The following SPATA13 variants were observed in gnomAD, a reference collection of about 807,000 sequenced individuals.
SPATA13 encodes the protein spermatogenesis-associated protein 13.
SPATA13 carries 50 observed loss-of-function variants against 104.0 expected under a neutral mutation model. The observed-to-expected ratio is 0.48, with a 90% CI of 0.38 to 0.61. The LOEUF (loss-of-function observed/expected upper bound fraction) is 0.61. Among genes scored for constraint, SPATA13 ranks in the 20% least tolerant of loss-of-function variants. The probability of loss-of-function intolerance (pLI) is 0.00; values close to 1 mark genes in which losing one functional copy is unlikely to be tolerated. For synonymous variants in SPATA13, 606 were observed against 667.5 expected (o/e 0.91, Z 1.42); for missense variants, 1,524 against 1,690.6 (o/e 0.90, Z 1.73).
At chr13:24,158,691 A>T (rs947029123), upstream of SPATA13, among the ~76,000 whole-genome samples, 1 of 152,212 alleles carries the variant, frequency 6.6e-6, no homozygotes, top group South Asian at 2.1e-4. Flanking sequence ...ACAAACAAAC[A>T]ATCAGCAAGC....
At chr13:24,115,872 G>C (rs752999440) in intron 3 of SPATA13, among the ~76,000 whole-genome samples, 6 of 152,206 alleles carry the variant, frequency 3.9e-5, no homozygotes, top group Non-Finnish European at 8.8e-5. Flanking sequence ...GGCAGCCTCA[G>C]CTCCTCACCT....
chr13:24,220,447 A>G (rs1871516525), intron 1 of SPATA13, among the ~76,000 whole-genome samples: 1 of 152,218 alleles, frequency 6.6e-6, no homozygotes, highest in Non-Finnish European at 1.5e-5. Context: ...TTTTGATTAA[A>G]CAATCTCATT....
chr13:24,209,924 G>T (rs116863170), intron 1 of SPATA13, among the ~76,000 whole-genome samples: 8 of 152,056 alleles, frequency 5.3e-5, no homozygotes, highest in Non-Finnish European at 1.0e-4. Context: ...CCTTACCACC[G>T]CTTGTAACCT....
Position 24,222,963 on chromosome 13 carries a change from T to G in SPATA13, c.34T>G (p.Cys12Gly). Reference protein sequence around the residue: ...TQAAVRPWAPCLENMTTAPNG... With the variant: ...TQAAVRPWAPGLENMTTAPNG... ...GGCTGCCGTGCGGCCCTGGGCACCC[T>G]GCCTGGAGAACATGACCACTGCCCC... Residue 12 changes from cysteine to glycine, a missense_variant, in exon 2 of 13, where the codon TGC becomes GGC. Cys to Gly is a radical substitution (Grantham distance 159). Around this residue, in one of 2 missense-constraint regions of SPATA13, gnomAD observed 1,089 missense variants for 1,135.9 expected, o/e 0.96. Coordinates refer to ENST00000382108, the MANE Select transcript of SPATA13 (RefSeq NM_001166271.3). 2.6e-6 allele frequency: 4 copies of G among 1,551,248 alleles called. No individual in the cohort carries two copies. Among genetic ancestry groups the G allele is most frequent in the Non-Finnish European group, 3.5e-6 (4 of 1,146,768 alleles).
chr13:24,281,797 T>C (rs1479952034), intron 4 of SPATA13, among the ~76,000 whole-genome samples: 1 of 152,142 alleles, frequency 6.6e-6, no homozygotes, highest in East Asian at 1.9e-4. Context: ...GAGCACAGTC[T>C]GAGAGAGGGG....
chr13:24,059,850 C>A (rs1878715069), intron 3 of SPATA13, among the ~76,000 whole-genome samples: 1 of 152,152 alleles, frequency 6.6e-6, no homozygotes, highest in East Asian at 1.9e-4. Flanking sequence ...CTTCTCTTGC[C>A]TGACTGCTCT....
chr13:24,037,108 C>T (rs1468497686), intron 3 of SPATA13, among the ~76,000 whole-genome samples: 1 of 148,408 alleles, frequency 6.7e-6, no homozygotes, highest in African/African-American at 2.5e-5. Flanking sequence ...GGCAGATAAC[C>T]ACTTGCTAAT....
At chr13:24,040,900 G>A (rs780317677) in intron 3 of SPATA13, among the ~76,000 whole-genome samples, 1 of 152,168 alleles carries the variant, frequency 6.6e-6, no homozygotes, top group African/African-American at 2.4e-5. Context: ...AGAGCACCAC[G>A]AACTCAAATA....
chr13:24,267,804 C>G (rs1206385542), intron 4 of SPATA13, among the ~76,000 whole-genome samples: 1 of 152,216 alleles, frequency 6.6e-6, no homozygotes, highest in Non-Finnish European at 1.5e-5. Context: ...ATGGTCTTCA[C>G]TAGTTAGAAA....
intron 10 of SPATA13, 136 bp downstream of exon 10, chr13:24,295,004 A>ACTTTATGTAGCAAGAGTGGTTATATGAG: frequency 1.2e-6 from 1 of 864,734 alleles, no homozygotes; most frequent in Non-Finnish European, 1.7e-6. Flanking sequence ...CATTAATGGT[A>ACTTTATGTAGCAAGAGTGGTTATATGAG]AATGTATTTC....
intron 10 of SPATA13, among the ~76,000 whole-genome samples, chr13:24,296,743 G>A (rs1040127563): frequency 4.8e-4 from 73 of 152,112 alleles, no homozygotes; most frequent in African/African-American, 1.7e-3. Context: ...CTTACCAGAG[G>A]CTTCAGGCTA....
chr13:23,999,669 G>T (rs2810704), intron 2 of SPATA13, among the ~76,000 whole-genome samples: 19 of 151,756 alleles, frequency 1.3e-4, no homozygotes, highest in Admixed American at 4.6e-4. Flanking sequence ...AAAGGCTCAG[G>T]GTATTTGTTT....
intron 1 of SPATA13, among the ~76,000 whole-genome samples, chr13:24,174,888 C>T (rs977798683): frequency 3.0e-4 from 45 of 152,322 alleles, no homozygotes; most frequent in African/African-American, 9.6e-4. Context: ...CTAAAAGTTT[C>T]CCTTTAGAGT....
chr13:24,040,179 A>G (rs955315267), intron 3 of SPATA13, among the ~76,000 whole-genome samples: 9 of 152,244 alleles, frequency 5.9e-5, no homozygotes, highest in Non-Finnish European at 1.3e-4. Flanking sequence ...CGAGTGCCCT[A>G]TGCCAGCAAA....
intron 4 of SPATA13, among the ~76,000 whole-genome samples, chr13:24,276,062 G>A (rs1476981628): frequency 1.3e-5 from 2 of 152,204 alleles, no homozygotes; most frequent in Admixed American, 1.3e-4. Context: ...ATGCAGCCAT[G>A]TGGAAAACAG....
intron 4 of SPATA13, among the ~76,000 whole-genome samples, chr13:24,257,245 G>A (rs1252870852): frequency 1.3e-5 from 2 of 152,170 alleles, no homozygotes; most frequent in Non-Finnish European, 2.9e-5. Context: ...CTTCCAGAGA[G>A]GAGAGTGTCC....
chr13:24,188,055 T>G lies in SPATA13; in HGVS notation c.-112+27123T>G, dbSNP rs183562240. Among the ~76,000 whole-genome samples the G allele has an allele frequency of 1.6e-4, 25 of 152,234 alleles. 1 individual carries two copies. Among genetic ancestry groups the G allele is most frequent in the Admixed American group, 1.4e-3 (22 of 15,264 alleles). On this transcript the variant is annotated intron_variant, in intron 1 of 12. Coordinates refer to ENST00000382108, the MANE Select transcript of SPATA13 (RefSeq NM_001166271.3). ...TCTTGAAGGAAATTAAAAGTGATAC[T>G]CCAGGCCAGGCGTGGTGGCTCATGC...
chr13:24,234,041 A>G (rs900596946), intron 2 of SPATA13, among the ~76,000 whole-genome samples: 4 of 152,124 alleles, frequency 2.6e-5, no homozygotes, highest in African/African-American at 9.7e-5. Context: ...GATACCATTA[A>G]ATAGGATTTT....
intron 2 of SPATA13, among the ~76,000 whole-genome samples, chr13:24,233,685 T>A (rs1296856157): frequency 6.6e-6 from 1 of 152,242 alleles, no homozygotes; most frequent in Non-Finnish European, 1.5e-5. Flanking sequence ...CCTAATTCTT[T>A]TTCAACGGAA....
Sources: gnomAD v4.1 joint callset for allele counts (sites outside exome capture counted in the v4.1 genomes callset) on GRCh38, gnomAD v4.1.1 for gene constraint, gnomAD v4.1.1 regional missense constraint, MANE v1.5 for transcripts, NCBI Gene and HGNC (gene_info 2026-07-23, HGNC 2026-07-21) for gene names.